Variants in PDE1C observed in about 807,000 individuals in gnomAD.
PDE1C encodes the protein phosphodiesterase 1C, also known as dual specificity calcium/calmodulin-dependent 3',5'-cyclic nucleotide phosphodiesterase 1C.
In PDE1C, 62 loss-of-function variants were observed where a neutral mutation model predicts 93.1. The ratio of observed to expected loss-of-function variants is 0.67; its 90% CI spans 0.54 to 0.82. The LOEUF (loss-of-function observed/expected upper bound fraction) is 0.82, where lower values mean the gene tolerates loss of function less well. Ranked by LOEUF, PDE1C falls within the 40% of genes least tolerant of loss-of-function variation. The pLI is 0.00. For synonymous variants in PDE1C, 325 were observed against 310.1 expected, an observed-to-expected ratio of 1.05 and a Z score of -0.50; for missense variants, 742 against 884.6, an observed-to-expected ratio of 0.84 and a Z score of 2.04.
chr7:31,771,821 C>T (rs945051017), intron 17 of PDE1C, among the ~76,000 whole-genome samples: 2 of 151,844 alleles, frequency 1.3e-5, no homozygotes, highest in African/African-American at 4.8e-5. Flanking sequence ...TTTGGGAGGC[C>T]GAAGCAGGCA....
the PDE1C span, among the ~76,000 whole-genome samples, chr7:31,724,262 C>G: frequency 9.6e-4 from 146 of 152,264 alleles, no homozygotes; most frequent in African/African-American, 3.3e-3. Context: ...AAGTGCCAGC[C>G]TTGTCTGACT....
At chr7:32,097,595 A>G (rs35744207) in intron 3 of PDE1C, among the ~76,000 whole-genome samples, 12,376 of 152,246 alleles carry the variant, frequency 0.081, 667 homozygotes, top group East Asian at 0.21. Context: ...AAAATGCTCT[A>G]AGCCACCAGA....
At chr7:32,213,553 G>A (rs146443445) in intron 1 of PDE1C, among the ~76,000 whole-genome samples, 78 of 152,276 alleles carry the variant, frequency 5.1e-4, no homozygotes, top group Admixed American at 1.5e-3. Flanking sequence ...GCCCAGATGC[G>A]TGTGACAGTC....
the PDE1C span, among the ~76,000 whole-genome samples, chr7:31,737,088 C>T: frequency 2.0e-5 from 3 of 152,096 alleles, no homozygotes; most frequent in African/African-American, 7.2e-5. Flanking sequence ...ATAGCTGGGA[C>T]TACAGGCATG....
chr7:32,247,564 C>A (rs1445532296), intron 1 of PDE1C, among the ~76,000 whole-genome samples: 39 of 152,168 alleles, frequency 2.6e-4, no homozygotes, highest in Admixed American at 2.6e-3. Flanking sequence ...GCTCAACTTA[C>A]AATTGTTCGA....
intron 2 of PDE1C, among the ~76,000 whole-genome samples, chr7:31,933,139 G>A (rs1432542787): frequency 6.6e-6 from 1 of 151,978 alleles, no homozygotes; most frequent in African/African-American, 2.4e-5. Flanking sequence ...CCTAGATGAT[G>A]GGTTGATGGG....
At chr7:32,206,523 C>T (rs1414674462) in intron 2 of PDE1C, among the ~76,000 whole-genome samples, 1 of 152,162 alleles carries the variant, frequency 6.6e-6, no homozygotes, top group Non-Finnish European at 1.5e-5. Flanking sequence ...TGACTTCATC[C>T]CAGAAGTCCC....
At chr7:31,792,924 A>T (rs1784747030) in intron 16 of PDE1C, among the ~76,000 whole-genome samples, 1 of 152,112 alleles carries the variant, frequency 6.6e-6, no homozygotes, top group Admixed American at 6.6e-5. Flanking sequence ...TCTTGGAATA[A>T]TTCAGGAAAC....
intron 3 of PDE1C, among the ~76,000 whole-genome samples, chr7:32,103,776 A>G (rs1798152373): frequency 6.6e-6 from 1 of 152,342 alleles, no homozygotes; most frequent in South Asian, 2.1e-4. Flanking sequence ...AATACAATGC[A>G]GGGAAGAGAT....
intron 2 of PDE1C, among the ~76,000 whole-genome samples, chr7:32,026,169 C>T (rs905168012): frequency 1.2e-4 from 19 of 152,092 alleles, no homozygotes; most frequent in African/African-American, 3.4e-4. Context: ...AAGGCTGCCT[C>T]CAAGATAATT....
At chr7:31,972,576 C>G (rs1202114676) in intron 2 of PDE1C, among the ~76,000 whole-genome samples, 2 of 152,162 alleles carry the variant, frequency 1.3e-5, no homozygotes, top group Non-Finnish European at 2.9e-5. Flanking sequence ...ATGAGCTTCT[C>G]TAGTTTTGGA....
At chr7:31,684,080 T>A in the PDE1C span, among the ~76,000 whole-genome samples, 1 of 152,188 alleles carries the variant, frequency 6.6e-6, no homozygotes, top group Non-Finnish European at 1.5e-5. Flanking sequence ...CTCCAAGGTA[T>A]AGATTTACAT....
chr7:31,656,777 C>G, the PDE1C span, among the ~76,000 whole-genome samples: 2 of 152,040 alleles, frequency 1.3e-5, no homozygotes, highest in African/African-American at 4.8e-5. Context: ...TTATTATTTT[C>G]TGATGAAGAA....
At chr7:31,684,940 CT>C in the PDE1C span, among the ~76,000 whole-genome samples, 1 of 152,184 alleles carries the variant, frequency 6.6e-6, no homozygotes, top group Non-Finnish European at 1.5e-5. Context: ...GCAAAAGCCT[CT>C]CTACATGAAT....
intron 16 of PDE1C, among the ~76,000 whole-genome samples, chr7:31,800,410 G>A (rs1276718602): frequency 1.3e-5 from 2 of 151,486 alleles, no homozygotes; most frequent in African/African-American, 4.8e-5. Flanking sequence ...ATTTTGAGAT[G>A]TCGCTTGTAT....
intron 9 of PDE1C, among the ~76,000 whole-genome samples, chr7:31,840,468 A>C (rs539242202): frequency 6.6e-6 from 1 of 152,130 alleles, no homozygotes; most frequent in African/African-American, 2.4e-5. Flanking sequence ...AATTTTTATA[A>C]AGTTCAATTT....
chr7:32,310,692 C>A (rs1783007285), intron 1 of PDE1C, among the ~76,000 whole-genome samples: 1 of 151,980 alleles, frequency 6.6e-6, no homozygotes, highest in Non-Finnish European at 1.5e-5. Flanking sequence ...TAAAGATGTT[C>A]TTTGAAACCA....
chr7:32,188,584 T>A (rs114003843), intron 2 of PDE1C, among the ~76,000 whole-genome samples: 3,120 of 152,242 alleles, frequency 0.02, 99 homozygotes, highest in African/African-American at 0.071. Flanking sequence ...AACACCTGTT[T>A]CTCTTCTTAT....
chr7:32,218,349 A>G (rs1806581016), intron 1 of PDE1C, among the ~76,000 whole-genome samples: 1 of 152,250 alleles, frequency 6.6e-6, no homozygotes, highest in Non-Finnish European at 1.5e-5. Flanking sequence ...GTAGTTGATG[A>G]TGCATCAGGG....
Sources: gnomAD v4.1 joint callset for allele counts (sites outside exome capture counted in the v4.1 genomes callset) on GRCh38, gnomAD v4.1.1 for gene constraint, MANE v1.5 for transcripts, NCBI Gene and HGNC (gene_info 2026-07-23, HGNC 2026-07-21) for gene names.